DGKB: variants seen among roughly 807,000 people sequenced by gnomAD.
The protein encoded by DGKB is 90 kDa diacylglycerol kinase.
Under a neutral mutation model 114.3 loss-of-function variants are expected in DGKB, and 67 were observed. That is an observed-to-expected ratio of 0.59 (90% CI 0.48 to 0.72). The LOEUF (loss-of-function observed/expected upper bound fraction) is 0.72. Among genes scored for constraint, DGKB ranks in the 30% least tolerant of loss-of-function variants. The pLI, the probability that DGKB is intolerant of heterozygous loss-of-function variation, is 0.00. For missense variants in DGKB, 907 were observed against 975.2 expected (o/e 0.93, Z 0.93); for synonymous variants, 398 against 323.1 (o/e 1.23, Z -2.49).
intron 23 of DGKB, among the ~76,000 whole-genome samples, chr7:14,333,345 C>A (rs1210440445): frequency 1.3e-5 from 2 of 151,630 alleles, no homozygotes; most frequent in Non-Finnish European, 2.9e-5. Context: ...CCTGCAGTCC[C>A]AGCTACTCTG....
chr7:14,376,214 C>A (rs1442161197), intron 21 of DGKB, among the ~76,000 whole-genome samples: 2 of 152,158 alleles, frequency 1.3e-5, no homozygotes, highest in Admixed American at 6.5e-5. Context: ...TGGCCCGAGG[C>A]ACCCACAGCA....
intron 1 of DGKB, among the ~76,000 whole-genome samples, chr7:14,858,251 G>A (rs1235810384): frequency 6.6e-6 from 1 of 152,080 alleles, no homozygotes; most frequent in Non-Finnish European, 1.5e-5. Context: ...GTATTTCAAC[G>A]TATTTATGTT....
chr7:14,467,835 C>A (rs1241840736), intron 21 of DGKB, among the ~76,000 whole-genome samples: 1 of 151,940 alleles, frequency 6.6e-6, no homozygotes, highest in Non-Finnish European at 1.5e-5. Context: ...ATAATTAGTT[C>A]CAATTAGCCA....
intron 23 of DGKB, among the ~76,000 whole-genome samples, chr7:14,214,595 T>G (rs1429638693): frequency 6.6e-6 from 1 of 152,164 alleles, no homozygotes; most frequent in African/African-American, 2.4e-5. Context: ...CCAACAAACA[T>G]ATTTTGCTCT....
At chr7:14,853,975 T>C (rs544181762) in intron 1 of DGKB, among the ~76,000 whole-genome samples, 11 of 152,280 alleles carry the variant, frequency 7.2e-5, no homozygotes, top group African/African-American at 2.2e-4. Context: ...CCTCTGGTCA[T>C]TGAATTACTT....
At chr7:14,901,605 A>ACCCTCCCCCCCCCCCCCCCCCCCCCC (rs1783077230) in intron 1 of DGKB, among the ~76,000 whole-genome samples, 1 of 123,094 alleles carries the variant, frequency 8.1e-6, no homozygotes, top group African/African-American at 3.1e-5. Context: ...AGGGATTTCC[A>ACCCTCCCCCCCCCCCCCCCCCCCCCC]CCCCCCCCCA....
At chr7:14,311,384 A>G (rs1019986144) in intron 23 of DGKB, among the ~76,000 whole-genome samples, 8 of 152,096 alleles carry the variant, frequency 5.3e-5, no homozygotes, top group African/African-American at 1.9e-4. Context: ...TATATGTAAC[A>G]GCCATCAACT....
intron 5 of DGKB, among the ~76,000 whole-genome samples, chr7:14,733,051 G>A: frequency 6.6e-6 from 1 of 152,248 alleles, no homozygotes; most frequent in East Asian, 1.9e-4. Flanking sequence ...AGGTATGTGT[G>A]TGATACATTT....
chr7:14,521,565 G>T (rs1246787255), intron 20 of DGKB, among the ~76,000 whole-genome samples: 1 of 151,930 alleles, frequency 6.6e-6, no homozygotes, highest in Admixed American at 6.6e-5. Context: ...ATATTTTTCC[G>T]TTATTGTACT....
At chr7:14,596,633 G>A (rs918699367) in intron 17 of DGKB, among the ~76,000 whole-genome samples, 1 of 152,152 alleles carries the variant, frequency 6.6e-6, no homozygotes, top group Non-Finnish European at 1.5e-5. Flanking sequence ...ATCCTAAAAT[G>A]CTCATGCTCA....
chr7:14,951,553 A>T (rs545613118), intron 1 of DGKB, among the ~76,000 whole-genome samples: 1 of 152,158 alleles, frequency 6.6e-6, no homozygotes, highest in African/African-American at 2.4e-5. Context: ...TTAGGGCAGT[A>T]AAATTATTCT....
intron 21 of DGKB, among the ~76,000 whole-genome samples, chr7:14,392,605 G>A (rs1364485068): frequency 1.3e-5 from 2 of 152,074 alleles, no homozygotes; most frequent in African/African-American, 2.4e-5. Flanking sequence ...TGTCCCTGGG[G>A]TCTTACCAGG....
intron 20 of DGKB, among the ~76,000 whole-genome samples, chr7:14,544,972 G>A (rs6461106): frequency 0.051 from 7,641 of 150,976 alleles, 627 homozygotes; most frequent in African/African-American, 0.18. Context: ...GCTTCTTCAC[G>A]TTGATGCCAA....
At chr7:14,225,705 T>A (rs1469667208) in intron 23 of DGKB, among the ~76,000 whole-genome samples, 2 of 151,684 alleles carry the variant, frequency 1.3e-5, no homozygotes, top group Non-Finnish European at 2.9e-5. Context: ...ACAGGATATA[T>A]TTTTAAAAAG....
In DGKB at chr7:14,701,737, T is replaced by C; in HGVS notation, c.467-7A>G. ...TCATAAAGGCGAAACATAACTAGAA[T>C]GAAAGAGGTGTTGAAAACAAGATTA... On this transcript the variant is annotated splice_polypyrimidine_tract_variant and splice_region_variant and intron_variant, in intron 6 of 25. Coordinates refer to ENST00000402815, the MANE Select transcript of DGKB (RefSeq NM_001350709.2). The C allele has an allele frequency of 1.2e-6, 2 of 1,600,722 alleles. No individual in the cohort carries two copies. Among genetic ancestry groups the C allele is most frequent in the African/African-American group, 1.3e-5 (1 of 74,784 alleles).
intron 20 of DGKB, among the ~76,000 whole-genome samples, chr7:14,537,055 C>T (rs73287760): frequency 2.0e-5 from 3 of 151,632 alleles, no homozygotes; most frequent in African/African-American, 7.3e-5. Context: ...TCAGAAATAC[C>T]GTCCCATTTA....
intron 23 of DGKB, among the ~76,000 whole-genome samples, chr7:14,212,598 C>T (rs576209346): frequency 1.0e-3 from 152 of 152,196 alleles, no homozygotes; most frequent in African/African-American, 3.0e-3. Context: ...TTCACCAATA[C>T]GGCTTCAATT....
chr7:14,694,327 T>G, intron 8 of DGKB, 133 bp from the exon 9 acceptor site: 1 of 763,478 alleles, frequency 1.3e-6, no homozygotes, highest in Non-Finnish European at 2.1e-6. Context: ...AGTACAACAT[T>G]AATTCTATTA....
At chr7:14,757,756 ATT>A in intron 2 of DGKB, 25 bp from the exon 3 acceptor site, 1 of 1,358,800 alleles carries the variant, frequency 7.4e-7, no homozygotes, top group Non-Finnish European at 1.1e-6. Flanking sequence ...AAACACAAAA[ATT>A]GTTTATATGC....
Sources: allele counts gnomAD v4.1 joint callset (sites outside exome capture counted in the v4.1 genomes callset), GRCh38; gene constraint gnomAD v4.1.1; transcripts MANE v1.5; gene names NCBI Gene and HGNC (gene_info 2026-07-23, HGNC 2026-07-21).